The following PTPN2 variants were observed in gnomAD, a reference collection of about 807,000 sequenced individuals.
PTPN2 encodes the protein tyrosine-protein phosphatase non-receptor type 2.
A neutral mutation model predicts 57.3 loss-of-function variants in PTPN2; 19 were observed. That is an observed-to-expected ratio of 0.33 (90% CI 0.23 to 0.49). PTPN2 has a LOEUF of 0.49. Among genes scored for constraint, PTPN2 ranks in the 20% least tolerant of loss-of-function variants. The pLI, the probability that PTPN2 is intolerant of heterozygous loss-of-function variation, is 0.99. For synonymous variants in PTPN2, 153 were observed against 164.9 expected, an observed-to-expected ratio of 0.93 and a Z score of 0.55; for missense variants, 358 against 501.1, an observed-to-expected ratio of 0.71 and a Z score of 2.73.
chr18:12,880,080 G>T (rs979590388), intron 1 of PTPN2, among the ~76,000 whole-genome samples: 2 of 152,168 alleles, frequency 1.3e-5, no homozygotes, highest in Admixed American at 6.5e-5. Flanking sequence ...ACGCAACAGG[G>T]GCTCATACCC....
At chr18:12,814,425 A>C in intron 6 of PTPN2, 70 bp from the exon 7 acceptor site, 84 of 1,321,744 alleles carry the variant, frequency 6.4e-5, no homozygotes, top group Non-Finnish European at 8.3e-5. Flanking sequence ...ATGCAAGATC[A>C]TTGCTAAGAT....
intron 7 of PTPN2, among the ~76,000 whole-genome samples, chr18:12,812,020 C>T: frequency 6.6e-6 from 1 of 152,240 alleles, no homozygotes; most frequent in South Asian, 2.1e-4. Context: ...ACATTTAATA[C>T]TTTATTAGTA....
chr18:12,825,622 C>G (rs1197724720), intron 5 of PTPN2, among the ~76,000 whole-genome samples, 188 bp downstream of exon 5: 1 of 151,940 alleles, frequency 6.6e-6, no homozygotes, highest in African/African-American at 2.4e-5. Flanking sequence ...TTCTTAGTTT[C>G]TACTGTTTCT....
In PTPN2 at chr18:12,842,464, T is replaced by C. The variant is rs184440328; in HGVS notation, c.161-5573A>G. On this transcript the variant is annotated intron_variant, in intron 2 of 8. Transcript: ENST00000309660. ...TCACAGCGCTGGGGAGAGGGGCAGG[T>C]TGCAATTCTAAACAGGGTGGTCAGG... Among the ~76,000 whole-genome samples, 228 of 151,910 alleles carry C rather than the reference T, an allele frequency of 1.5e-3. 2 individuals carry two copies. Among genetic ancestry groups the C allele is most frequent in the Non-Finnish European group, 2.0e-3 (137 of 67,938 alleles).
rs1177884392 is a variant in PTPN2 at position 12,794,168 on chromosome 18, T to C, written c.*110A>G. 1 of 1,527,630 alleles carries C rather than the reference T, an allele frequency of 6.5e-7. No homozygotes were observed. The allele number at this position is 1,527,630 out of a possible 1,614,324, so 94.6% of individuals were successfully genotyped here. ...ATATCACTTATCTGGTTGATGTCTA[T>C]TCTACTGCACCGTTTTTGGGATATG... On this transcript the variant is annotated 3_prime_UTR_variant, in exon 9 of 9. Transcript: ENST00000309660.
At chr18:12,820,072 C>A (rs1359130011) in intron 5 of PTPN2, among the ~76,000 whole-genome samples, 1 of 152,174 alleles carries the variant, frequency 6.6e-6, no homozygotes, top group Non-Finnish European at 1.5e-5. Flanking sequence ...GGTTACCCCA[C>A]AATCTTGGGC....
chr18:12,803,899 A>T (rs1024739014), intron 7 of PTPN2, among the ~76,000 whole-genome samples: 14 of 152,152 alleles, frequency 9.2e-5, no homozygotes, highest in Non-Finnish European at 2.1e-4. Flanking sequence ...TTTACAGAAC[A>T]TTCCCTCCAA....
chr18:12,802,133 A>C lies in PTPN2; in HGVS notation c.877T>G (p.Ser293Ala). ...SSIQKRWKEL[S>A]KEDLSPAFDH... is the part of the protein sequence containing the mutation. ...AAGGCAGGAGATAAGTCTTCCTTAG[A>C]AAGTTCTTTCCATCGTTTCTAGGTA... The change falls in exon 8 of 9, where the codon TCT (serine) becomes GCT (alanine). Residue 293 changes from serine (S) to alanine (A), a missense_variant. Coordinates refer to ENST00000309660, the MANE Select transcript of PTPN2 (RefSeq NM_002828.4). The C allele has an allele frequency of 6.2e-7, 1 of 1,606,588 alleles. No homozygotes were observed. Among genetic ancestry groups the C allele is most frequent in the South Asian group, 1.1e-5 (1 of 89,118 alleles).
chr18:12,817,969 CG>C (rs1340873506), intron 5 of PTPN2, among the ~76,000 whole-genome samples: 2 of 152,038 alleles, frequency 1.3e-5, no homozygotes, highest in Non-Finnish European at 2.9e-5. Context: ...GGTGAAACCC[CG>C]TTTCTACTAA....
intron 1 of PTPN2, among the ~76,000 whole-genome samples, chr18:12,866,413 A>G (rs573866071): frequency 1.1e-3 from 166 of 152,046 alleles, no homozygotes; most frequent in Non-Finnish European, 1.9e-3. Flanking sequence ...ACTCCAGCCT[A>G]GGCGACAGAG....
rs977780077 is a variant in PTPN2, at chr18:12,837,278, G to A, written c.161-387C>T. Among the ~76,000 whole-genome samples, 3 of 152,246 alleles carry A rather than the reference G, an allele frequency of 2.0e-5. No individual in the cohort carries two copies. The South Asian group carries it at 6.2e-4, about 32-fold the overall frequency. ...ACGATAACTGGTCTCAAATAGATGA[G>A]ACTAGATTTCCGAGGTTACTATATT... is the stretch of plus-strand genomic sequence containing the variant. On this transcript the variant is annotated intron_variant, in intron 2 of 8. Transcript: ENST00000309660.
At chr18:12,796,581 A>G (rs993783086) in intron 8 of PTPN2, among the ~76,000 whole-genome samples, 2 of 152,220 alleles carry the variant, frequency 1.3e-5, no homozygotes, top group African/African-American at 4.8e-5. Context: ...ACAGCTCCTC[A>G]AAAAGTTAAA....
intron 4 of PTPN2, among the ~76,000 whole-genome samples, chr18:12,830,285 C>G (rs543571): frequency 0.95 from 144,098 of 152,036 alleles, 68,777 homozygotes; most frequent in East Asian, 1. Context: ...AAGTAGCTAG[C>G]ATTACACCTG....
chr18:12,814,658 T>C (rs2042004866), intron 6 of PTPN2, among the ~76,000 whole-genome samples: 1 of 152,194 alleles, frequency 6.6e-6, no homozygotes, highest in Non-Finnish European at 1.5e-5. Context: ...GAAGGATTTA[T>C]AACCAGTTCT....
At chr18:12,825,662 GAC>G (rs2042425038) in intron 5 of PTPN2, 146 bp downstream of exon 5, 2 of 615,380 alleles carry the variant, frequency 3.3e-6, no homozygotes, top group Non-Finnish European at 5.1e-6. Flanking sequence ...ACTAGATGCA[GAC>G]ACACAATCTA....
In PTPN2 at chr18:12,793,756, CAAAAGATTAAA is replaced by C. The variant is rs2041058245; in HGVS notation, c.*511_*521del. On this transcript the variant is annotated 3_prime_UTR_variant, in exon 9 of 9. Coordinates refer to ENST00000309660, the MANE Select transcript of PTPN2 (RefSeq NM_002828.4). ...AGCTCTTAAAAAGTACAGTTAACTA[CAAAAGATTAAA>C]TAGATACTTATAAAATATATTTACC... is the stretch of plus-strand genomic sequence containing the variant. The C allele has an allele frequency of 2.1e-6, 2 of 941,908 alleles. No homozygotes were observed. Among genetic ancestry groups the C allele is most frequent in the African/African-American group, 1.8e-5 (1 of 56,038 alleles). The allele number at this position is 941,908 out of a possible 1,614,324, so 58.3% of individuals were successfully genotyped here. A position where few individuals can be genotyped will look rare whatever the true frequency, so the allele number is the denominator to read the frequency against.
rs1224287623 is a variant in PTPN2, at chr18:12,842,420, GAA to G, written c.161-5531_161-5530del. Among the ~76,000 whole-genome samples the G allele has an allele frequency of 4.6e-5, 7 of 152,274 alleles. No individual in the cohort carries two copies. The East Asian group carries it at 7.7e-4, about 17-fold the overall frequency. On this transcript the variant is annotated intron_variant, in intron 2 of 8. Coordinates refer to ENST00000309660, the MANE Select transcript of PTPN2 (RefSeq NM_002828.4). ...AAAGTATATGAGTAATAAATGCTAA[GAA>G]AAAAGAGTAACGGGACTCACAGCGC...
intron 2 of PTPN2, among the ~76,000 whole-genome samples, chr18:12,852,494 G>T (rs891585351): frequency 6.6e-6 from 1 of 152,184 alleles, no homozygotes; most frequent in East Asian, 1.9e-4. Context: ...GGTTGTAGCA[G>T]ATTATGGACC....
chr18:12,856,710 A>T (rs1313080020), intron 2 of PTPN2, among the ~76,000 whole-genome samples: 1 of 152,216 alleles, frequency 6.6e-6, no homozygotes, highest in Non-Finnish European at 1.5e-5. Context: ...ATACTTGAGG[A>T]TAACTTAAGT....
Sources: gnomAD v4.1 joint callset for allele counts (sites outside exome capture counted in the v4.1 genomes callset) on GRCh38, gnomAD v4.1.1 for gene constraint, MANE v1.5 for transcripts, NCBI Gene and HGNC (gene_info 2026-07-23, HGNC 2026-07-21) for gene names.